GRID2: variants seen among roughly 807,000 people sequenced by gnomAD.
GRID2 encodes glutamate receptor ionotropic, delta-2.
A neutral mutation model predicts 114.8 loss-of-function variants in GRID2; 33 were observed. The ratio of observed to expected loss-of-function variants is 0.29; its 90% confidence interval spans 0.22 to 0.38. The LOEUF is 0.38. Among genes scored for constraint, GRID2 ranks in the 10% least tolerant of loss-of-function variants. The pLI is 1.00. For synonymous variants in GRID2, 505 were observed against 449.9 expected (o/e 1.12, Z -1.55); for missense variants, 1,184 against 1,257.7 (o/e 0.94, Z 0.89).
At chr4:92,432,897 G>A (rs6844474) in intron 1 of GRID2, among the ~76,000 whole-genome samples, 24,790 of 152,162 alleles carry the variant, frequency 0.16, 2,554 homozygotes, top group African/African-American at 0.29. Flanking sequence ...CCCAAGGCCT[G>A]CAATGAGTAT....
At chr4:92,768,499 T>G (rs537572999) in intron 2 of GRID2, among the ~76,000 whole-genome samples, 1 of 152,310 alleles carries the variant, frequency 6.6e-6, no homozygotes, top group Non-Finnish European at 1.5e-5. Flanking sequence ...CTGAAAGACT[T>G]TTTCAATCTA....
At chr4:92,722,250 A>C (rs982621791) in intron 2 of GRID2, among the ~76,000 whole-genome samples, 1 of 152,192 alleles carries the variant, frequency 6.6e-6, no homozygotes, top group Non-Finnish European at 1.5e-5. Flanking sequence ...ATGGCCAGCC[A>C]TCATGGAGTG....
chr4:92,765,349 C>A lies in GRID2; in HGVS notation c.244+175063C>A, dbSNP rs117522917. Among the ~76,000 whole-genome samples, 24 of 152,206 alleles carry A rather than the reference C, an allele frequency of 1.6e-4. No homozygotes were observed. The East Asian group carries it at 4.3e-3, about 27-fold the overall frequency. ...TTGGACAAATCTGAGAACTATTTTT[C>A]ATTAAAAATCGACGTCCAAACTCAT... On this transcript the variant is annotated intron_variant, in intron 2 of 15. Coordinates refer to ENST00000282020, the MANE Select transcript of GRID2 (RefSeq NM_001510.4).
chr4:92,681,619 A>G (rs1733653759), intron 2 of GRID2, among the ~76,000 whole-genome samples: 1 of 152,192 alleles, frequency 6.6e-6, no homozygotes. Context: ...GCAGCACACC[A>G]ACATGGCACA....
chr4:93,377,922 T>C (rs1271592527), intron 8 of GRID2, among the ~76,000 whole-genome samples: 12 of 152,202 alleles, frequency 7.9e-5, no homozygotes, highest in Non-Finnish European at 4.4e-5. Context: ...AAAATGATTC[T>C]ACATGTATAT....
At chr4:92,521,051 C>A (rs1724747961) in intron 1 of GRID2, among the ~76,000 whole-genome samples, 1 of 151,800 alleles carries the variant, frequency 6.6e-6, no homozygotes, top group Admixed American at 6.6e-5. Flanking sequence ...TCACTGTTTT[C>A]AGAACATTAT....
At chr4:92,482,303 A>T (rs116257376) in intron 1 of GRID2, among the ~76,000 whole-genome samples, 1 of 151,754 alleles carries the variant, frequency 6.6e-6, no homozygotes, top group African/African-American at 2.4e-5. Flanking sequence ...CAATGGGAGC[A>T]ATAGACACTG....
intron 2 of GRID2, among the ~76,000 whole-genome samples, chr4:93,075,885 T>G (rs796855596): frequency 1.6e-3 from 31 of 19,746 alleles, no homozygotes; most frequent in African/African-American, 8.0e-3. Flanking sequence ...TTACCTCTCT[T>G]TTTTTTTTTT....
chr4:92,581,281 A>G (rs1282310052), intron 1 of GRID2, among the ~76,000 whole-genome samples: 3 of 151,696 alleles, frequency 2.0e-5, no homozygotes, highest in Non-Finnish European at 4.4e-5. Flanking sequence ...GATCTTTGAA[A>G]TGTTTATTCA....
chr4:92,751,396 A>G (rs1355106419), intron 2 of GRID2, among the ~76,000 whole-genome samples: 1 of 152,188 alleles, frequency 6.6e-6, no homozygotes, highest in Non-Finnish European at 1.5e-5. Flanking sequence ...AAATGAAAGT[A>G]TTTGTTTACC....
chr4:92,600,973 C>G (rs1171789519), intron 2 of GRID2, among the ~76,000 whole-genome samples: 2 of 152,180 alleles, frequency 1.3e-5, no homozygotes, highest in African/African-American at 4.8e-5. Flanking sequence ...TTCCTCAGAG[C>G]CACCAGGAAG....
At chr4:92,426,419 G>T (rs905514213) in intron 1 of GRID2, among the ~76,000 whole-genome samples, 1 of 152,010 alleles carries the variant, frequency 6.6e-6, no homozygotes, top group Non-Finnish European at 1.5e-5. Context: ...AACACAGTTG[G>T]GAATAACCAA....
At chr4:93,735,993 G>A (rs904799599) in intron 14 of GRID2, among the ~76,000 whole-genome samples, 4 of 151,944 alleles carry the variant, frequency 2.6e-5, no homozygotes, top group Non-Finnish European at 5.9e-5. Context: ...AGGATACTGG[G>A]AAAGAGGAAA....
intron 2 of GRID2, among the ~76,000 whole-genome samples, chr4:92,663,284 A>C (rs947827624): frequency 6.6e-6 from 1 of 151,190 alleles, no homozygotes; most frequent in African/African-American, 2.4e-5. Flanking sequence ...GGATTAGGGC[A>C]TTAATAAACA....
chr4:93,105,311 C>A (rs1486857169), intron 3 of GRID2, among the ~76,000 whole-genome samples: 4 of 152,120 alleles, frequency 2.6e-5, no homozygotes, highest in Non-Finnish European at 5.9e-5. Flanking sequence ...CTTTAGTTTA[C>A]TTAGACCCCA....
intron 2 of GRID2, among the ~76,000 whole-genome samples, chr4:92,994,386 CTT>C (rs888003475): frequency 1.1e-4 from 16 of 151,962 alleles, no homozygotes; most frequent in Non-Finnish European, 2.2e-4. Context: ...GAGTTTTGCT[CTT>C]GTTACCCAGG....
intron 8 of GRID2, among the ~76,000 whole-genome samples, chr4:93,344,984 AGTGTGT>A (rs35018148): frequency 4.0e-3 from 570 of 142,478 alleles, no homozygotes; most frequent in African/African-American, 9.1e-3. Context: ...GTTGTATTCT[AGTGTGT>A]GTGTGTGTGT....
chr4:92,414,806 G>C (rs1731515429), intron 1 of GRID2, among the ~76,000 whole-genome samples: 1 of 151,968 alleles, frequency 6.6e-6, no homozygotes, highest in South Asian at 2.1e-4. Flanking sequence ...GTTTATTATA[G>C]GGTTAGATCC....
At chr4:92,624,218 A>G (rs1338963769) in intron 2 of GRID2, among the ~76,000 whole-genome samples, 1 of 151,906 alleles carries the variant, frequency 6.6e-6, no homozygotes, top group Non-Finnish European at 1.5e-5. Flanking sequence ...TATACACAAG[A>G]AACTTAAGGC....
Sources: allele counts gnomAD v4.1 joint callset (sites outside exome capture counted in the v4.1 genomes callset), GRCh38; gene constraint gnomAD v4.1.1; transcripts MANE v1.5; gene names NCBI Gene and HGNC (gene_info 2026-07-23, HGNC 2026-07-21).